GSN: variants seen among roughly 807,000 people sequenced by gnomAD.
GSN encodes the protein gelsolin.
A neutral mutation model predicts 85.7 loss-of-function variants in GSN; 56 were observed. The observed-to-expected ratio is 0.65, with a 90% CI of 0.53 to 0.82. The LOEUF is 0.82. Ranked by LOEUF, GSN falls within the 40% of genes least tolerant of loss-of-function variation. The pLI is 0.00. For missense variants in GSN, 857 were observed against 979.8 expected, an observed-to-expected ratio of 0.87 and a Z score of 1.67; for synonymous variants, 373 against 399.1, an observed-to-expected ratio of 0.93 and a Z score of 0.78.
At chr9:121,228,077 G>A (rs946428837) in intron 4 of GSN, among the ~76,000 whole-genome samples, 1 of 152,062 alleles carries the variant, frequency 6.6e-6, no homozygotes, top group Non-Finnish European at 1.5e-5. Flanking sequence ...GATCTTAACG[G>A]TGGTGCAGTC....
At chr9:121,223,709 G>A (rs2054216055) in intron 4 of GSN, among the ~76,000 whole-genome samples, 1 of 151,980 alleles carries the variant, frequency 6.6e-6, no homozygotes, top group African/African-American at 2.4e-5. Context: ...GTCTAGGCTG[G>A]AGTGCGGTGG....
chr9:121,311,306 C>T (rs904230321), intron 5 of GSN: 1 of 222,486 alleles, frequency 4.5e-6, no homozygotes, highest in African/African-American at 2.3e-5. Flanking sequence ...TACCCAGGCC[C>T]ACCTTATAGA....
At chr9:121,251,879 T>G in intron 6 of GSN, among the ~76,000 whole-genome samples, 1 of 152,116 alleles carries the variant, frequency 6.6e-6, no homozygotes, top group Non-Finnish European at 1.5e-5. Context: ...GAGAATCACT[T>G]GAACCCGGGA....
chr9:121,257,651 A>C (rs1365488411), intron 6 of GSN, among the ~76,000 whole-genome samples: 1 of 152,192 alleles, frequency 6.6e-6, no homozygotes, highest in Non-Finnish European at 1.5e-5. Context: ...CAGGCAGATC[A>C]CTTGAGGTCA....
At chr9:121,235,834 G>C (rs930673805) in intron 5 of GSN, among the ~76,000 whole-genome samples, 7 of 152,206 alleles carry the variant, frequency 4.6e-5, no homozygotes, top group African/African-American at 1.7e-4. Flanking sequence ...ACAGCCATGT[G>C]CCTGGCTCCT....
chr9:121,301,609 G>A (rs2059849514), intron 2 of GSN, among the ~76,000 whole-genome samples: 1 of 144,680 alleles, frequency 6.9e-6, no homozygotes, highest in Non-Finnish European at 1.5e-5. Context: ...CTGGACAACA[G>A]TGCGAGACTC....
intron 6 of GSN, among the ~76,000 whole-genome samples, chr9:121,258,949 C>T (rs1327551581): frequency 6.6e-6 from 1 of 152,046 alleles, no homozygotes; most frequent in Non-Finnish European, 1.5e-5. Context: ...TAATGTATAC[C>T]AAGTTCTGTG....
chr9:121,220,438 C>CCTTCCCATACTTTCTGTCACTGTGTACCA (rs2054149274), intron 4 of GSN, among the ~76,000 whole-genome samples: 1 of 152,186 alleles, frequency 6.6e-6, no homozygotes, highest in Non-Finnish European at 1.5e-5. Flanking sequence ...ACTGTGTACC[C>CCTTCCCATACTTTCTGTCACTGTGTACCA]CAGAAGCCGA....
chr9:121,248,711 A>G (rs898832659), intron 6 of GSN, among the ~76,000 whole-genome samples: 2 of 152,208 alleles, frequency 1.3e-5, no homozygotes, highest in Non-Finnish European at 2.9e-5. Context: ...GGTCATGGAA[A>G]TGGGAAAGGC....
intron 1 of GSN, among the ~76,000 whole-genome samples, chr9:121,208,262 C>T (rs1164677766): frequency 2.0e-5 from 3 of 152,174 alleles, no homozygotes; most frequent in African/African-American, 7.2e-5. Context: ...TCTCTTCTCT[C>T]CTACCTTTAT....
chr9:121,288,081 C>T (rs2132797831), intron 2 of GSN, among the ~76,000 whole-genome samples: 1 of 152,314 alleles, frequency 6.6e-6, no homozygotes. Flanking sequence ...CACACACCAT[C>T]ATGCCTGGCT....
In GSN at chr9:121,318,933, A is replaced by T; in HGVS notation, c.1191+53A>T. 7.4e-7 allele frequency: 1 copy of T among 1,348,790 alleles called. No homozygotes were observed. The highest frequency in any genetic ancestry group is 1.4e-5 in the African/African-American group (1 of 69,864). The allele number at this position is 1,348,790 out of a possible 1,614,324, so 83.6% of individuals were successfully genotyped here. Reference sequence around the variant, plus strand: ...TCCAGGCCCCTCCCTCACTTTCCCCATGCACTGCCTCTTGCTTCCCCAAGG... The same window carrying T: ...TCCAGGCCCCTCCCTCACTTTCCCCTTGCACTGCCTCTTGCTTCCCCAAGG... On this transcript the variant is annotated intron_variant, in intron 10 of 17. Transcript: ENST00000432226. The surrounding 1 kb of genome is among the most constrained non-coding windows in gnomAD (Gnocchi z 4.3).
rs370176994 is a variant in GSN at position 121,302,906 on chromosome 9, C to T, written c.197-5C>T. 154 of 1,613,480 alleles carry T rather than the reference C, an allele frequency of 9.5e-5. No individual in the cohort carries two copies. The highest frequency in any genetic ancestry group is 1.1e-4 in the Non-Finnish European group (134 of 1,179,936). On this transcript the variant is annotated splice_polypyrimidine_tract_variant and splice_region_variant and intron_variant, in intron 3 of 17. Coordinates refer to ENST00000432226, the MANE Select transcript of GSN (RefSeq NM_198252.3). ...CCAGGCTCATATTGCTCTGATGTCC[C>T]GTAGGCAATGAGTGCAGCCAGGATG...
upstream of GSN, among the ~76,000 whole-genome samples, chr9:121,266,416 T>A: frequency 6.6e-6 from 1 of 152,220 alleles, no homozygotes; most frequent in East Asian, 1.9e-4. Context: ...TAAGCCTGTG[T>A]TTTTGCTTTT....
intron 6 of GSN, among the ~76,000 whole-genome samples, chr9:121,257,117 T>G (rs953464877): frequency 6.6e-6 from 1 of 152,112 alleles, no homozygotes; most frequent in Non-Finnish European, 1.5e-5. Flanking sequence ...CCCCAAAATA[T>G]GTACAACTAT....
chr9:121,302,572 C>A (rs570600644), intron 3 of GSN, among the ~76,000 whole-genome samples: 3,106 of 152,278 alleles, frequency 0.02, 52 homozygotes, highest in Middle Eastern at 0.048. Flanking sequence ...GGAGTCCCTG[C>A]CACACCTCTG....
intron 5 of GSN, among the ~76,000 whole-genome samples, chr9:121,247,532 G>A (rs1026115217): frequency 8.5e-5 from 13 of 152,172 alleles, no homozygotes; most frequent in African/African-American, 2.7e-4. Flanking sequence ...CCATTGCAAC[G>A]TCAGTCTGGC....
At chr9:121,327,164 A>G (rs2063306370) in intron 13 of GSN, 144 bp from the exon 14 acceptor site, 1 of 794,806 alleles carries the variant, frequency 1.3e-6, no homozygotes, top group African/African-American at 1.7e-5. Context: ...TCAGGGTCCA[A>G]AGTCTGTGCC....
intron 5 of GSN, among the ~76,000 whole-genome samples, chr9:121,246,305 G>T (rs2054698841): frequency 6.6e-6 from 1 of 152,052 alleles, no homozygotes; most frequent in East Asian, 1.9e-4. Context: ...GTTGTCTGAG[G>T]ATGCTATGCT....
Sources: allele counts gnomAD v4.1 joint callset (sites outside exome capture counted in the v4.1 genomes callset), GRCh38; gene constraint gnomAD v4.1.1; non-coding constraint Gnocchi (gnomAD v3.1); transcripts MANE v1.5; gene names NCBI Gene and HGNC (gene_info 2026-07-23, HGNC 2026-07-21).